SHC3: variants seen among roughly 807,000 people sequenced by gnomAD.
SHC3 encodes the protein SHC adaptor protein 3, also known as SHC-transforming protein 3.
In SHC3, 15 loss-of-function variants were observed where a neutral mutation model predicts 60.4. The observed-to-expected ratio is 0.25, with a 90% CI of 0.17 to 0.38. SHC3 has a LOEUF of 0.38. SHC3 is among the 10% of genes least tolerant of loss of function. SHC3 has a pLI of 1.00. For synonymous variants in SHC3, 294 were observed against 325.9 expected (o/e 0.90, Z 1.05); for missense variants, 677 against 786.1 (o/e 0.86, Z 1.66).
At chr9:89,064,262 C>T (rs532578147) in intron 6 of SHC3, among the ~76,000 whole-genome samples, 2 of 152,134 alleles carry the variant, frequency 1.3e-5, no homozygotes, top group South Asian at 4.2e-4. Context: ...ATAAGAGGGC[C>T]CCTGTGTTGG....
At chr9:89,102,555 T>C (rs1238659790) in intron 2 of SHC3, among the ~76,000 whole-genome samples, 13 of 152,214 alleles carry the variant, frequency 8.5e-5, no homozygotes, top group Admixed American at 8.5e-4. Context: ...ATGAACTGAT[T>C]CTAAGTGATA....
At chr9:89,140,618 C>T (rs965369600) in intron 1 of SHC3, among the ~76,000 whole-genome samples, 6 of 152,074 alleles carry the variant, frequency 3.9e-5, no homozygotes, top group African/African-American at 1.4e-4. Context: ...CTGATACCTG[C>T]AAAAGTCAAA....
chr9:89,133,152 A>T (rs1206032937), intron 1 of SHC3, among the ~76,000 whole-genome samples: 2 of 152,250 alleles, frequency 1.3e-5, no homozygotes, highest in Non-Finnish European at 2.9e-5. Context: ...CAACAGACAC[A>T]TGAAAAAATG....
intron 2 of SHC3, among the ~76,000 whole-genome samples, chr9:89,089,967 C>T (rs1426354979): frequency 6.6e-6 from 1 of 152,200 alleles, no homozygotes; most frequent in Admixed American, 6.5e-5. Context: ...CTAAACTAAA[C>T]TTACCTGCCC....
Position 89,013,527 on chromosome 9 carries a change from G to C in SHC3, c.1705C>G (p.His569Asp), listed in dbSNP as rs1235486464. ...VFDSISHLIN[H>D]HLESSLPIVS... ...ATGGGCAGGCTGCTTTCTAGGTGGTGGTTGATGAGGTGGCTGATACTGTCA... is the reference window on the plus strand; with the variant it reads ...ATGGGCAGGCTGCTTTCTAGGTGGTCGTTGATGAGGTGGCTGATACTGTCA... The change falls in exon 12 of 12, where the codon CAC becomes GAC. Residue 569 changes from histidine (H) to aspartate (D), a missense_variant. Coordinates refer to ENST00000375835, the MANE Select transcript of SHC3 (RefSeq NM_016848.6). 2.5e-6 allele frequency: 4 copies of C among 1,613,940 alleles called. No homozygotes were observed. Among genetic ancestry groups the C allele is most frequent in the Non-Finnish European group, 3.4e-6 (4 of 1,180,000 alleles).
At chr9:89,087,882 T>A (rs1208861782) in intron 2 of SHC3, among the ~76,000 whole-genome samples, 1 of 152,168 alleles carries the variant, frequency 6.6e-6, no homozygotes, top group African/African-American at 2.4e-5. Flanking sequence ...TAGATCAGAC[T>A]CTTTGTAGCA....
chr9:89,106,199 C>G (rs1825857236), intron 2 of SHC3, among the ~76,000 whole-genome samples: 1 of 152,160 alleles, frequency 6.6e-6, no homozygotes, highest in South Asian at 2.1e-4. Context: ...TTTCCTCATC[C>G]CCTAAGAGTA....
In SHC3 at chr9:89,052,260, G is replaced by A. The variant is rs1251069465; in HGVS notation, c.836-97C>T. On this transcript the variant is annotated intron_variant, in intron 6 of 11. Coordinates refer to ENST00000375835, the MANE Select transcript of SHC3 (RefSeq NM_016848.6). ...CTTGCTGAGGACACAGGGACAGAGA[G>A]GTGCATGCTTCTTCCATAATATGTC... The A allele has an allele frequency of 5.5e-6, 8 of 1,457,218 alleles. No homozygotes were observed. In the East Asian group the frequency reaches 1.2e-4, roughly 22 times the overall value. The allele number at this position is 1,457,218 out of a possible 1,614,324, so 90.3% of individuals were successfully genotyped here.
chr9:89,051,928 C>T, intron 7 of SHC3, 109 bp downstream of exon 7: 3 of 1,487,648 alleles, frequency 2.0e-6, no homozygotes, highest in South Asian at 2.5e-5. Context: ...CCCAGGAAGC[C>T]CTGTGATTAA....
chr9:89,055,912 G>A (rs921417565), intron 6 of SHC3, among the ~76,000 whole-genome samples: 2 of 152,190 alleles, frequency 1.3e-5, no homozygotes, highest in African/African-American at 2.4e-5. Context: ...AATATTATGT[G>A]TATCATAAAA....
At chr9:89,054,862 T>C (rs1447168934) in intron 6 of SHC3, among the ~76,000 whole-genome samples, 1 of 152,212 alleles carries the variant, frequency 6.6e-6, no homozygotes, top group African/African-American at 2.4e-5. Flanking sequence ...AAAGCAGGGA[T>C]CCTTTGCTGA....
At chr9:89,080,222 C>A (rs1485810302) in intron 2 of SHC3, among the ~76,000 whole-genome samples, 1 of 152,170 alleles carries the variant, frequency 6.6e-6, no homozygotes, top group African/African-American at 2.4e-5. Context: ...CCATTTGAGT[C>A]TCAGGTACCA....
At chr9:89,027,048 G>T (rs1190206924) in intron 11 of SHC3, among the ~76,000 whole-genome samples, 1 of 152,180 alleles carries the variant, frequency 6.6e-6, no homozygotes, top group East Asian at 1.9e-4. Context: ...ACTGACCGTG[G>T]TGACCAAACA....
At position 89,006,096 on chromosome 9, in the gene SHC3, A is replaced by G. The variant is rs1825935133; in HGVS notation, c.*7351T>C. The G allele has an allele frequency of 1.3e-5, 2 of 152,256 alleles. No homozygotes were observed. The highest frequency in any genetic ancestry group is 2.9e-5 in the Non-Finnish European group (2 of 68,046). 9.4% of individuals were successfully genotyped at this position (152,256 alleles called of 1,614,324 possible). ...AATAAAGGCACATTTTCCAATAACC[A>G]ATTATAACAAGAAGTGCAGCATTAC... On this transcript the variant is annotated 3_prime_UTR_variant, in exon 12 of 12. Coordinates refer to ENST00000375835, the MANE Select transcript of SHC3 (RefSeq NM_016848.6).
chr9:89,084,430 G>C (rs4876967), intron 2 of SHC3, among the ~76,000 whole-genome samples: 16,020 of 152,216 alleles, frequency 0.11, 938 homozygotes, highest in Admixed American at 0.14. Flanking sequence ...AGAGATCTCA[G>C]AAAGTGAAAG....
At chr9:89,100,547 C>T (rs1317381226) in intron 2 of SHC3, among the ~76,000 whole-genome samples, 3 of 152,068 alleles carry the variant, frequency 2.0e-5, no homozygotes, top group East Asian at 1.9e-4. Flanking sequence ...TTTTGAAAAA[C>T]CCATATAGTC....
intron 6 of SHC3, among the ~76,000 whole-genome samples, chr9:89,059,484 G>A (rs1262041595): frequency 6.7e-6 from 1 of 149,508 alleles, no homozygotes; most frequent in East Asian, 2.0e-4. Flanking sequence ...GGGGGCGGTA[G>A]CAGAGGATGA....
intron 2 of SHC3, chr9:89,110,310 AT>A: frequency 1.0e-6 from 1 of 984,698 alleles, no homozygotes; most frequent in Non-Finnish European, 1.2e-6. Flanking sequence ...TTATAAAAAT[AT>A]TTTTTAATAA....
intron 2 of SHC3, among the ~76,000 whole-genome samples, chr9:89,106,902 C>A (rs77649728): frequency 6.6e-6 from 1 of 152,070 alleles, no homozygotes; most frequent in Admixed American, 6.6e-5. Flanking sequence ...AGGGACTGAA[C>A]ACGAAAATAG....
Sources: gnomAD v4.1 joint callset for allele counts (sites outside exome capture counted in the v4.1 genomes callset) on GRCh38, gnomAD v4.1.1 for gene constraint, MANE v1.5 for transcripts, NCBI Gene and HGNC (gene_info 2026-07-23, HGNC 2026-07-21) for gene names.